SOD2: variants seen among roughly 807,000 people sequenced by gnomAD.
SOD2 encodes the protein superoxide dismutase [Mn], mitochondrial.
In SOD2, 11 loss-of-function variants were observed where a neutral mutation model predicts 27.0. That is an observed-to-expected ratio of 0.41 (90% CI 0.26 to 0.67). The LOEUF (loss-of-function observed/expected upper bound fraction) is 0.67. SOD2 is among the 30% of genes least tolerant of loss of function. The pLI is 0.34. For missense variants in SOD2, 250 were observed against 274.5 expected (o/e 0.91, Z 0.63); for synonymous variants, 105 against 103.0 (o/e 1.02, Z -0.12).
chr6:159,745,795 T>A (rs565938322), upstream of SOD2, among the ~76,000 whole-genome samples: 1 of 152,298 alleles, frequency 6.6e-6, no homozygotes, highest in East Asian at 1.9e-4. Flanking sequence ...AAACCAATTG[T>A]GAGGCTGTTA....
intron 1 of SOD2, chr6:159,754,990 A>G: frequency 6.5e-7 from 1 of 1,541,892 alleles, no homozygotes; most frequent in Non-Finnish European, 8.7e-7. Context: ...TCAATGTTAT[A>G]AACGATATTA....
chr6:159,759,394 G>A lies in SOD2; in HGVS notation c.-336+1643C>T, dbSNP rs182179120. 6.4e-3 allele frequency among the ~76,000 whole-genome samples: 953 copies of A among 149,262 alleles called. 10 individuals are homozygous for A. The highest frequency in any genetic ancestry group is 0.022 in the African/African-American group (919 of 41,068). ...TTTAAAAATTATCTTCCAGCTGGCC[G>A]GGCGCGGTGGCTCACGCCTGTAATC... On this transcript the variant is annotated intron_variant, in intron 1 of 7. Coordinates refer to the SOD2 transcript ENST00000546087.
At chr6:159,713,556 A>G (rs755241805) in intron 1 of SOD2, 17 of 760,482 alleles carry the variant, frequency 2.2e-5, no homozygotes, top group South Asian at 7.6e-5. Context: ...TTCTGCCCTG[A>G]AAGTCCACTC....
chr6:159,695,475 AG>A (rs1368465382), upstream of SOD2, among the ~76,000 whole-genome samples: 1 of 152,128 alleles, frequency 6.6e-6, no homozygotes, highest in Non-Finnish European at 1.5e-5. Flanking sequence ...TGGGAGGTAA[AG>A]AAAAGTTTAC....
intron 1 of SOD2, among the ~76,000 whole-genome samples, chr6:159,702,963 A>C (rs1268322351): frequency 1.3e-5 from 2 of 150,472 alleles, no homozygotes; most frequent in African/African-American, 4.9e-5. Flanking sequence ...GGCTGCAGTG[A>C]GCTCTGATTG....
chr6:159,726,654 A>T, intron 1 of SOD2: 1 of 675,824 alleles, frequency 1.5e-6, no homozygotes, highest in Non-Finnish European at 2.1e-6. Context: ...ACTAAACCTC[A>T]CAGGGCCGCC....
At position 159,673,190 on chromosome 6, in the gene SOD2, C is replaced by T. The variant is rs981095509; in HGVS notation, c.*9303G>A. ...CCACTGTCAATATTAGACAGATCAA[C>T]GAGACAGAAAGTTAACAAGGATATC... On this transcript the variant is annotated 3_prime_UTR_variant, in exon 5 of 5. Transcript: ENST00000538183. 17 of 152,086 alleles carry T rather than the reference C, an allele frequency of 1.1e-4. No homozygotes were observed. The highest frequency in any genetic ancestry group is 3.1e-4 in the African/African-American group (13 of 41,410). 9.4% of individuals were successfully genotyped at this position (152,086 alleles called of 1,614,324 possible).
Position 159,673,542 on chromosome 6 carries a change from A to T in SOD2, c.*8951T>A, listed in dbSNP as rs1447644506. 1 of 152,228 alleles carries T rather than the reference A, an allele frequency of 6.6e-6. No homozygotes were observed. The highest frequency in any genetic ancestry group is 1.5e-5 in the Non-Finnish European group (1 of 68,050). 9.4% of individuals were successfully genotyped at this position (152,228 alleles called of 1,614,324 possible). ...AAGGCAGAAATAAAGATGTTCTTTG[A>T]AACCAACGAGAACAAAGACACAACA... is the stretch of plus-strand genomic sequence containing the variant. On this transcript the variant is annotated 3_prime_UTR_variant, in exon 5 of 5. Coordinates refer to ENST00000538183, the MANE Select transcript of SOD2 (RefSeq NM_000636.4).
chr6:159,713,611 T>C, intron 1 of SOD2: 1 of 993,918 alleles, frequency 1.0e-6, no homozygotes, highest in Non-Finnish European at 1.6e-6. Context: ...TGAAAAGAAA[T>C]GAACAATCTC....
intron 1 of SOD2, chr6:159,720,566 G>T (rs1778016239): frequency 6.6e-6 from 1 of 152,554 alleles, no homozygotes; most frequent in South Asian, 2.0e-4. Flanking sequence ...ATCACGCGTT[G>T]ATATTTCATT....
chr6:159,727,467 C>A (rs1418248468), upstream of SOD2: 7 of 958,822 alleles, frequency 7.3e-6, no homozygotes, highest in African/African-American at 2.0e-5. Context: ...GGAGCGGAGC[C>A]GTGCGGCGGG....
chr6:159,727,443 G>A (rs1391618470), upstream of SOD2: 1 of 1,096,648 alleles, frequency 9.1e-7, no homozygotes. Flanking sequence ...ACCGGCTGTG[G>A]GGCGGGGCAG....
At chr6:159,707,468 A>G (rs951007703) in intron 1 of SOD2, among the ~76,000 whole-genome samples, 3 of 152,220 alleles carry the variant, frequency 2.0e-5, no homozygotes, top group African/African-American at 4.8e-5. Flanking sequence ...ACAAACTACC[A>G]TCAGAGAATA....
At chr6:159,749,335 T>C, upstream of SOD2, 6 of 985,834 alleles carry the variant, frequency 6.1e-6, no homozygotes, top group Non-Finnish European at 7.2e-6. Context: ...GCTTTGTCGT[T>C]GGTGTTAATG....
rs71565748 is a variant in SOD2, at chr6:159,670,804, C to T, written c.*11689G>A. The stretch of plus-strand genomic sequence containing the variant: ...AAGCAGGGCAAGGCATGGCCTCACC[C>T]GGGAAGGCAAGGGGTCAGGGAATTC... On this transcript the variant is annotated 3_prime_UTR_variant, in exon 5 of 5. Coordinates refer to ENST00000538183, the MANE Select transcript of SOD2 (RefSeq NM_000636.4). 1,238 of 152,522 alleles carry T rather than the reference C, an allele frequency of 8.1e-3. 15 individuals are homozygous for T. Among genetic ancestry groups the T allele is most frequent in the Non-Finnish European group, 0.013 (902 of 68,234 alleles). The allele number at this position is 152,522 out of a possible 1,614,324, so 9.4% of individuals were successfully genotyped here.
intron 1 of SOD2, among the ~76,000 whole-genome samples, chr6:159,704,441 T>G (rs1417021854): frequency 6.6e-6 from 1 of 152,226 alleles, no homozygotes; most frequent in Non-Finnish European, 1.5e-5. Flanking sequence ...ACTGCGCTTT[T>G]CCAATGGTCT....
chr6:159,739,885 C>T (rs1471224317), intron 1 of SOD2, among the ~76,000 whole-genome samples: 1 of 116,940 alleles, frequency 8.6e-6, no homozygotes, highest in East Asian at 2.9e-4. Flanking sequence ...AGGACAGTTT[C>T]CATTGCATAC....
chr6:159,713,510 C>G (rs1410860408), intron 1 of SOD2: 2 of 678,784 alleles, frequency 2.9e-6, no homozygotes, highest in Non-Finnish European at 5.4e-6. Flanking sequence ...TCAGCTATCT[C>G]CTGCGAAGCC....
At chr6:159,748,110 A>C (rs1779684948), upstream of SOD2, 4 of 1,502,224 alleles carry the variant, frequency 2.7e-6, no homozygotes, top group Non-Finnish European at 3.6e-6. The surrounding 1 kb of genome is among the most constrained non-coding windows in gnomAD (Gnocchi z 5.6). Context: ...TGGTAAATCA[A>C]GTGAATGGAG....
Sources: gnomAD v4.1 joint callset for allele counts (sites outside exome capture counted in the v4.1 genomes callset) on GRCh38, gnomAD v4.1.1 for gene constraint, Gnocchi (gnomAD v3.1) non-coding constraint, MANE v1.5 for transcripts, NCBI Gene and HGNC (gene_info 2026-07-23, HGNC 2026-07-21) for gene names.